KCNK9: variants seen among roughly 807,000 people sequenced by gnomAD.
KCNK9 encodes the protein potassium channel subfamily K member 9.
A neutral mutation model predicts 10.8 loss-of-function variants in KCNK9; 1 was observed. The observed-to-expected ratio is 0.09, with a 90% confidence interval of 0.03 to 0.44. The LOEUF (loss-of-function observed/expected upper bound fraction) is 0.44. KCNK9 is among the 20% of genes least tolerant of loss of function. The pLI is 0.97. For synonymous variants in KCNK9, 231 were observed against 222.7 expected (o/e 1.04, Z -0.33); for missense variants, 303 against 515.0 (o/e 0.59, Z 3.98).
At chr8:139,613,770 C>T (rs73724570), downstream of KCNK9, among the ~76,000 whole-genome samples, 413 of 152,296 alleles carry the variant, frequency 2.7e-3, 1 homozygote, top group African/African-American at 9.6e-3. Flanking sequence ...TCCTCATCTA[C>T]GGTGTTTCCA....
At chr8:139,681,261 G>A (rs1411408737) in intron 1 of KCNK9, among the ~76,000 whole-genome samples, 1 of 152,208 alleles carries the variant, frequency 6.6e-6, no homozygotes, top group Non-Finnish European at 1.5e-5. Context: ...CAATGAGAAA[G>A]AGGCAGGGAG....
chr8:139,628,096 C>T (rs1418438261), intron 1 of KCNK9, among the ~76,000 whole-genome samples: 2 of 152,254 alleles, frequency 1.3e-5, no homozygotes, highest in African/African-American at 4.8e-5. Context: ...GCCACACATG[C>T]TCCAGAAATG....
At chr8:139,637,176 C>A (rs1441566179) in intron 1 of KCNK9, among the ~76,000 whole-genome samples, 1 of 152,238 alleles carries the variant, frequency 6.6e-6, no homozygotes, top group African/African-American at 2.4e-5. Flanking sequence ...TCCAGCTGAC[C>A]TTGAGACTGT....
At chr8:139,660,208 C>T (rs1381400518) in intron 1 of KCNK9, among the ~76,000 whole-genome samples, 2 of 152,046 alleles carry the variant, frequency 1.3e-5, no homozygotes, top group Admixed American at 6.6e-5. Context: ...TGGTAGAGCC[C>T]CTAAAAAGCA....
At chr8:139,672,385 A>C (rs1862225) in intron 1 of KCNK9, among the ~76,000 whole-genome samples, 113,669 of 152,136 alleles carry the variant, frequency 0.75, 42,913 homozygotes, top group African/African-American at 0.8. Context: ...GGGCCCCTGT[A>C]ACCTGTAATT....
chr8:139,678,591 C>G (rs1319086556), intron 1 of KCNK9, among the ~76,000 whole-genome samples: 1 of 152,266 alleles, frequency 6.6e-6, no homozygotes, highest in Non-Finnish European at 1.5e-5. Context: ...CCGAGGGCCT[C>G]AGGCCCATCC....
At chr8:139,620,492 C>A (rs72681239) in intron 1 of KCNK9, among the ~76,000 whole-genome samples, 7,610 of 152,090 alleles carry the variant, frequency 0.05, 276 homozygotes, top group Non-Finnish European at 0.075. Context: ...TAGGGACCTA[C>A]CAGACCCCAG....
chr8:139,653,891 C>T (rs116832524), intron 1 of KCNK9, among the ~76,000 whole-genome samples: 16 of 152,330 alleles, frequency 1.1e-4, no homozygotes, highest in African/African-American at 3.8e-4. Context: ...AGGGACCTCA[C>T]CAATTCCAAG....
intron 2 of KCNK9, among the ~76,000 whole-genome samples, chr8:139,605,872 G>C (rs1586619440): frequency 6.6e-6 from 1 of 152,212 alleles, no homozygotes; most frequent in Non-Finnish European, 1.5e-5. Flanking sequence ...TAGGTAAGCT[G>C]TGACAATAAT....
At chr8:139,613,520 CCAAA>C (rs967819871), downstream of KCNK9, among the ~76,000 whole-genome samples, 5 of 152,198 alleles carry the variant, frequency 3.3e-5, no homozygotes, top group African/African-American at 9.6e-5. Context: ...CCATCCCCTG[CCAAA>C]CAAAGTGATT....
chr8:139,665,366 ACT>A (rs1007025224), intron 1 of KCNK9, among the ~76,000 whole-genome samples: 1 of 151,548 alleles, frequency 6.6e-6, no homozygotes, highest in African/African-American at 2.4e-5. Context: ...AACTCTCCTG[ACT>A]CTACCCTCCT....
intron 1 of KCNK9, among the ~76,000 whole-genome samples, chr8:139,670,853 C>T (rs533186130): frequency 2.6e-5 from 4 of 152,264 alleles, no homozygotes; most frequent in Admixed American, 6.5e-5. Flanking sequence ...ACGTGGGTGG[C>T]CCGCCTCCCC....
intron 1 of KCNK9, among the ~76,000 whole-genome samples, chr8:139,660,663 CATAGATGTGTTTTTCATTGAGTCA>C (rs1816131224): frequency 6.6e-6 from 1 of 152,010 alleles, no homozygotes. Context: ...ATAAAACTGA[CATAGATGTGTTTTTCATTGAGTCA>C]ATAAGCATTT....
chr8:139,657,758 A>G (rs1816056544), intron 1 of KCNK9, among the ~76,000 whole-genome samples: 1 of 152,212 alleles, frequency 6.6e-6, no homozygotes, highest in Admixed American at 6.5e-5. Context: ...TTTTATTCAT[A>G]AAAGCTTTGC....
chr8:139,663,067 A>G (rs1816204357), intron 1 of KCNK9, among the ~76,000 whole-genome samples: 1 of 152,008 alleles, frequency 6.6e-6, no homozygotes, highest in Non-Finnish European at 1.5e-5. Context: ...AGTCCATGGC[A>G]TCTCCCAGAC....
intron 1 of KCNK9, among the ~76,000 whole-genome samples, chr8:139,698,514 C>G (rs1415051547): frequency 6.6e-6 from 1 of 152,254 alleles, no homozygotes; most frequent in Non-Finnish European, 1.5e-5. Context: ...AACCAAGGAA[C>G]ATACCCCCTG....
At chr8:139,631,733 A>G (rs181974230) in intron 1 of KCNK9, among the ~76,000 whole-genome samples, 71 of 152,280 alleles carry the variant, frequency 4.7e-4, no homozygotes, top group African/African-American at 1.6e-3. Flanking sequence ...AAAAATATAT[A>G]TAAAATGTGG....
chr8:139,675,901 T>C (rs148334370), intron 1 of KCNK9, among the ~76,000 whole-genome samples: 45 of 152,288 alleles, frequency 3.0e-4, no homozygotes, highest in South Asian at 2.5e-3. Context: ...TTTCCCAGAC[T>C]CCTTTGCACT....
At chr8:139,657,896 T>C (rs1816059848) in intron 1 of KCNK9, among the ~76,000 whole-genome samples, 1 of 152,150 alleles carries the variant, frequency 6.6e-6, no homozygotes, top group Admixed American at 6.5e-5. Flanking sequence ...GCAGAGAACA[T>C]GGCTGGCCCC....
Sources: gnomAD v4.1 joint callset for allele counts (sites outside exome capture counted in the v4.1 genomes callset) on GRCh38, gnomAD v4.1.1 for gene constraint, MANE v1.5 for transcripts, NCBI Gene and HGNC (gene_info 2026-07-23, HGNC 2026-07-21) for gene names.